NOX1: variants seen among roughly 807,000 people sequenced by gnomAD.
The protein encoded by NOX1 is NADH/NADPH mitogenic oxidase subunit P65-MOX.
NOX1 carries 34 observed loss-of-function variants against 42.5 expected under a neutral mutation model. The observed-to-expected ratio is 0.80, with a 90% CI of 0.61 to 1.07. The LOEUF (loss-of-function observed/expected upper bound fraction) is 1.07. Among genes scored for constraint, NOX1 ranks in the 50% least tolerant of loss-of-function variants. The probability of loss-of-function intolerance (pLI) is 0.00; values close to 1 mark genes in which losing one functional copy is unlikely to be tolerated. For synonymous variants in NOX1, 143 were observed against 152.5 expected, an observed-to-expected ratio of 0.94 and a Z score of 0.46; for missense variants, 408 against 427.0, an observed-to-expected ratio of 0.96 and a Z score of 0.39.
chrX:100,854,557 T>C (rs1185522441), intron 7 of NOX1, among the ~76,000 whole-genome samples: 1 of 111,908 alleles, frequency 8.9e-6, no homozygotes, highest in Admixed American at 9.5e-5. Context: ...CCTAATAATC[T>C]TTAAATAGCT....
chrX:100,849,213 T>G, intron 11 of NOX1, 67 bp downstream of exon 11: 1 of 1,092,501 alleles, frequency 9.2e-7, no homozygotes, highest in Non-Finnish European at 1.3e-6. Flanking sequence ...CTAATCCATA[T>G]GCACTATCCT....
At chrX:100,863,765 T>A (rs912368504) in intron 2 of NOX1, among the ~76,000 whole-genome samples, 170 bp from the exon 3 acceptor site, 1 of 111,361 alleles carries the variant, frequency 9.0e-6, no homozygotes, top group Non-Finnish European at 1.9e-5. Flanking sequence ...GCAAAATACA[T>A]AAAACATACT....
At position 100,862,518 on chromosome X, in the gene NOX1, G is replaced by T; in HGVS notation, c.545C>A (p.Thr182Lys). 1 of 1,210,097 alleles carries T rather than the reference G, an allele frequency of 8.3e-7. No individual in the cohort carries two copies. Among genetic ancestry groups the T allele is most frequent in the Non-Finnish European group, 1.1e-6 (1 of 893,910 alleles). ...AGTTACCATGAGAATCAAGGCTATTGTCATGATCACTCCAGTGAGACCAGC... is the reference window on the plus strand; with the variant it reads ...AGTTACCATGAGAATCAAGGCTATTTTCATGATCACTCCAGTGAGACCAGC... ...SIAGLTGVIM[T>K]IALILMVTSA... Residue 182 changes from threonine (T) to lysine (K), a missense_variant, in exon 6 of 13, where the codon ACA becomes AAA. Thr to Lys is a moderately conservative substitution (Grantham distance 78, BLOSUM62 -1). Coordinates refer to ENST00000372966, the MANE Select transcript of NOX1 (RefSeq NM_007052.5).
intron 2 of NOX1, among the ~76,000 whole-genome samples, chrX:100,864,687 C>T (rs2085227162): frequency 8.9e-6 from 1 of 111,939 alleles, no homozygotes; most frequent in African/African-American, 3.2e-5. Context: ...AAAAAACAGG[C>T]CTTACTAGGT....
At chrX:100,854,322 A>C (rs1484022255) in intron 7 of NOX1, among the ~76,000 whole-genome samples, 1 of 111,786 alleles carries the variant, frequency 8.9e-6, no homozygotes, top group East Asian at 2.8e-4. Context: ...GTGAATATGG[A>C]GAGAGTATTT....
intron 1 of NOX1, among the ~76,000 whole-genome samples, chrX:100,872,005 CT>C (rs1201933576): frequency 1.8e-5 from 2 of 112,027 alleles, no homozygotes; most frequent in Non-Finnish European, 3.8e-5. Flanking sequence ...ATAACAGGAC[CT>C]ACTTTATAGT....
intron 1 of NOX1, 148 bp downstream of exon 1, chrX:100,873,947 C>G (rs1245640245): frequency 2.4e-6 from 1 of 411,581 alleles, no homozygotes; most frequent in Non-Finnish European, 4.3e-6. Flanking sequence ...CTCATCTGAC[C>G]CACAGTTGTA....
Position 100,843,868 on chromosome X carries a change from T to G in NOX1, c.*84A>C. ...TGAGAGGCACATTCTTATCCTAAAG[T>G]GACTGCTCAAACCTGACGAGACCAA... On this transcript the variant is annotated 3_prime_UTR_variant, in exon 13 of 13. Coordinates refer to ENST00000372966, the MANE Select transcript of NOX1 (RefSeq NM_007052.5). The G allele has an allele frequency of 1.2e-6, 1 of 836,101 alleles. No homozygotes were observed. Among genetic ancestry groups the G allele is most frequent in the Admixed American group, 2.7e-5 (1 of 36,455 alleles). 68.9% of individuals were successfully genotyped at this position (836,101 alleles called of 1,213,427 possible).
chrX:100,866,164 G>A (rs1452342503), intron 2 of NOX1, among the ~76,000 whole-genome samples: 2 of 108,197 alleles, frequency 1.8e-5, no homozygotes, highest in African/African-American at 3.4e-5. Flanking sequence ...GGAGGTTGCA[G>A]TGAGCAGAGA....
intron 7 of NOX1, among the ~76,000 whole-genome samples, chrX:100,857,766 T>C (rs962566814): frequency 9.0e-6 from 1 of 110,521 alleles, no homozygotes; most frequent in Non-Finnish European, 1.9e-5. Context: ...TTTGTGTTTT[T>C]TTGTTGTTGT....
chrX:100,874,225 T>C lies in NOX1; in HGVS notation c.-86A>G. The C allele has an allele frequency of 1.5e-6, 1 of 649,131 alleles. No individual in the cohort carries two copies. The highest frequency in any genetic ancestry group is 2.5e-6 in the Non-Finnish European group (1 of 395,062). 53.5% of individuals were successfully genotyped at this position (649,131 alleles called of 1,213,427 possible). ...GGAGAGGTCCTTCAGGAATGGAACATTTGTCCAGCGCAGGGTCTGTGAGCC... is the reference window on the plus strand; with the variant it reads ...GGAGAGGTCCTTCAGGAATGGAACACTTGTCCAGCGCAGGGTCTGTGAGCC... On this transcript the variant is annotated 5_prime_UTR_variant, in exon 1 of 13. It removes an upstream start codon present in the reference 5' UTR. Coordinates refer to ENST00000372966, the MANE Select transcript of NOX1 (RefSeq NM_007052.5).
At chrX:100,871,161 A>G (rs1176662310) in intron 1 of NOX1, among the ~76,000 whole-genome samples, 1 of 112,457 alleles carries the variant, frequency 8.9e-6, no homozygotes, top group Non-Finnish European at 1.9e-5. Context: ...TGTGAAAGTT[A>G]TATGAAATTC....
chrX:100,853,290 C>CTTTCTTTCTT (rs2085133896), intron 7 of NOX1, among the ~76,000 whole-genome samples: 1 of 57,604 alleles, frequency 1.7e-5, no homozygotes, highest in Admixed American at 2.0e-4. Flanking sequence ...TTCTTTCTTT[C>CTTTCTTTCTT]TTTCTTTCTT....
intron 8 of NOX1, among the ~76,000 whole-genome samples, 173 bp downstream of exon 8, chrX:100,851,060 G>A (rs1387509756): frequency 2.7e-5 from 3 of 109,866 alleles, no homozygotes; most frequent in Non-Finnish European, 5.7e-5. Flanking sequence ...GGCTGGTCTC[G>A]AACTCCTGAC....
rs1245028775 is a variant in NOX1 at position 100,845,815 on chromosome X, T to G, written c.1569-1737A>C. 9.8e-5 allele frequency among the ~76,000 whole-genome samples: 10 copies of G among 101,663 alleles called. No individual in the cohort carries two copies. In the East Asian group the frequency reaches 3.2e-3, roughly 32 times the overall value. 88.3% of individuals were successfully genotyped at this position (101,663 alleles called of 115,157 possible). ...CACCTTTTTTTTTTTTAATGGAATCTCGCTGTCGCCCAGGCTGGAGCGCAG... is the reference window on the plus strand; with the variant it reads ...CACCTTTTTTTTTTTTAATGGAATCGCGCTGTCGCCCAGGCTGGAGCGCAG... On this transcript the variant is annotated intron_variant, in intron 12 of 12. Coordinates refer to ENST00000372966, the MANE Select transcript of NOX1 (RefSeq NM_007052.5).
At chrX:100,867,278 C>A (rs1020890289) in intron 2 of NOX1, among the ~76,000 whole-genome samples, 1 of 111,787 alleles carries the variant, frequency 8.9e-6, no homozygotes, top group African/African-American at 3.3e-5. Flanking sequence ...CCTCGGCCTC[C>A]CAAAGTGCTG....
chrX:100,845,102 C>T (rs1045381455), intron 12 of NOX1, among the ~76,000 whole-genome samples: 4 of 111,805 alleles, frequency 3.6e-5, no homozygotes, highest in African/African-American at 1.3e-4. Flanking sequence ...TTGAAGTGTG[C>T]AATTTGTGCT....
At position 100,866,137 on chromosome X, in the gene NOX1, G is replaced by A. The variant is rs989056129; in HGVS notation, c.142-2542C>T. On this transcript the variant is annotated intron_variant, in intron 2 of 12. Transcript: ENST00000372966. ...CTTGGGAGACTGAGGCAGGAAAATC[G>A]CTTGATCCCAGGAGGTGGAGGTTGC... Among the ~76,000 whole-genome samples, 7 of 108,832 alleles carry A rather than the reference G, an allele frequency of 6.4e-5. No individual in the cohort carries two copies. The South Asian group carries it at 2.4e-3, about 37-fold the overall frequency. 94.5% of individuals were successfully genotyped at this position (108,832 alleles called of 115,157 possible). A position where few individuals can be genotyped will look rare whatever the true frequency, so the allele number is the denominator to read the frequency against.
At position 100,843,621 on chromosome X, in the gene NOX1, A is replaced by G. The variant is rs1315586660; in HGVS notation, c.*331T>C. On this transcript the variant is annotated 3_prime_UTR_variant, in exon 13 of 13. Transcript: ENST00000372966. Reference sequence around the variant, plus strand: ...AGATGGTAACACTGGAATTGATAAAATCACCTGGGATTAGTTGTATAACTC... The same window carrying G: ...AGATGGTAACACTGGAATTGATAAAGTCACCTGGGATTAGTTGTATAACTC... The G allele has an allele frequency of 6.0e-6, 3 of 501,402 alleles. No homozygotes were observed. Among genetic ancestry groups the G allele is most frequent in the Non-Finnish European group, 9.1e-6 (3 of 331,112 alleles). The allele number at this position is 501,402 out of a possible 1,213,427, so 41.3% of individuals were successfully genotyped here. A position where few individuals can be genotyped will look rare whatever the true frequency, so the allele number is the denominator to read the frequency against.
Sources: allele counts gnomAD v4.1 joint callset (sites outside exome capture counted in the v4.1 genomes callset), GRCh38; gene constraint gnomAD v4.1.1; transcripts MANE v1.5; gene names NCBI Gene and HGNC (gene_info 2026-07-23, HGNC 2026-07-21).